Variants in TECPR2 observed in about 807,000 individuals in gnomAD.
The protein encoded by TECPR2 is tectonin beta-propeller repeat-containing protein 2.
In TECPR2, 65 loss-of-function variants were observed where a neutral mutation model predicts 138.1. The ratio of observed to expected loss-of-function variants is 0.47; its 90% confidence interval spans 0.39 to 0.58. The LOEUF (loss-of-function observed/expected upper bound fraction) is 0.58, where lower values mean the gene tolerates loss of function less well. Ranked by LOEUF, TECPR2 falls within the 20% of genes least tolerant of loss-of-function variation. The pLI is 0.00. For synonymous variants in TECPR2, 746 were observed against 749.8 expected (o/e 0.99, Z 0.08); for missense variants, 1,553 against 1,824.5 (o/e 0.85, Z 2.71).
chr14:102,381,389 A>G (rs905513925), intron 2 of TECPR2, among the ~76,000 whole-genome samples: 4 of 152,210 alleles, frequency 2.6e-5, no homozygotes, highest in African/African-American at 9.6e-5. Context: ...TCTGGCCAAC[A>G]TGGCGAGAGC....
At chr14:102,392,045 A>G (rs1888190318) in intron 2 of TECPR2, among the ~76,000 whole-genome samples, 1 of 151,942 alleles carries the variant, frequency 6.6e-6, no homozygotes, top group Non-Finnish European at 1.5e-5. Flanking sequence ...CTGGAGTGCA[A>G]TGGTGTGATC....
chr14:102,468,138 G>A (rs1178628691), intron 17 of TECPR2, among the ~76,000 whole-genome samples: 2 of 151,756 alleles, frequency 1.3e-5, no homozygotes, highest in African/African-American at 4.8e-5. Context: ...GTGCCACCAC[G>A]CCCAGCCTCA....
chr14:102,444,753 C>G (rs1595129893), intron 12 of TECPR2, among the ~76,000 whole-genome samples: 1 of 152,190 alleles, frequency 6.6e-6, no homozygotes, highest in East Asian at 1.9e-4. Context: ...GCAGGCGGAT[C>G]ACGAGGTCAA....
At chr14:102,427,762 G>A (rs975962142) in intron 6 of TECPR2, among the ~76,000 whole-genome samples, 1 of 152,228 alleles carries the variant, frequency 6.6e-6, no homozygotes, top group Non-Finnish European at 1.5e-5. Context: ...CAGGAGTGGG[G>A]CGTCAAGCGG....
intron 2 of TECPR2, among the ~76,000 whole-genome samples, chr14:102,397,630 TC>T (rs543837950): frequency 2.0e-3 from 309 of 151,954 alleles, no homozygotes; most frequent in African/African-American, 6.9e-3. Context: ...ACTGGTAATC[TC>T]AGCTACTTGG....
intron 17 of TECPR2, among the ~76,000 whole-genome samples, chr14:102,466,591 G>T (rs1890554332): frequency 6.6e-6 from 1 of 152,148 alleles, no homozygotes; most frequent in South Asian, 2.1e-4. Context: ...CACCCAGGTG[G>T]ACTCCTTTGA....
rs941218800 is a variant in TECPR2 at position 102,443,347 on chromosome 14, T to C, written c.2753-300T>C. Among the ~76,000 whole-genome samples the C allele has an allele frequency of 1.3e-5, 2 of 152,212 alleles. No individual in the cohort carries two copies. The highest frequency in any genetic ancestry group is 4.8e-5 in the African/African-American group (2 of 41,450). On this transcript the variant is annotated intron_variant, in intron 11 of 19. Coordinates refer to ENST00000359520, the MANE Select transcript of TECPR2 (RefSeq NM_014844.5). This position sits in a 1 kb window ranked among gnomAD's most constrained non-coding sequence, Gnocchi z 4.9. ...GCAGAATTTAACCACTTTATGTTGA[T>C]TAAACTTGACAACAAAAAAGCGGCC...
At chr14:102,461,351 G>A (rs1010511006) in intron 16 of TECPR2, among the ~76,000 whole-genome samples, 3 of 152,236 alleles carry the variant, frequency 2.0e-5, no homozygotes, top group Non-Finnish European at 4.4e-5. Context: ...AGTTTATGCC[G>A]TTAGGTAACA....
Position 102,443,663 on chromosome 14 carries a change from C to A in TECPR2, c.2769C>A (p.Arg923=), listed in dbSNP as rs1256128023. 6.3e-7 allele frequency: 1 copy of A among 1,598,554 alleles called. No homozygotes were observed. The highest frequency in any genetic ancestry group is 8.6e-7 in the Non-Finnish European group (1 of 1,168,922). ...LYLQTGLSVD[R]PCARAVKVDC... ...TCCTGGCAGGTCTGAGCGTGGATCG[C>A]CCTTGTGCCAGAGCCGTAAAGGTGG... Residue 923 remains arginine (R), a synonymous_variant, in exon 12 of 20, where the codon CGC becomes CGA. Transcript: ENST00000359520. This position sits in a 1 kb window ranked among gnomAD's most constrained non-coding sequence, Gnocchi z 4.9.
chr14:102,432,108 A>C lies in TECPR2; in HGVS notation c.1397A>C (p.Lys466Thr). 1 of 1,549,048 alleles carries C rather than the reference A, an allele frequency of 6.5e-7. No individual in the cohort carries two copies. Among genetic ancestry groups the C allele is most frequent in the Non-Finnish European group, 8.8e-7 (1 of 1,142,648 alleles). The change falls in exon 8 of 20, where the codon AAG (lysine) becomes ACG (threonine). Residue 466 changes from lysine to threonine, a missense_variant. Physicochemically the swap from Lys to Thr is moderately conservative, Grantham distance 78 (BLOSUM62 -1). Transcript: ENST00000359520. ...LVVKPIKVKR[K>T]KKKKKTEGGS... Reference sequence around the variant, plus strand: ...GTGAAGCCTATCAAAGTGAAAAGGAAGAAGAAGAAGAAGAAGACAGGTACC... The same window carrying C: ...GTGAAGCCTATCAAAGTGAAAAGGACGAAGAAGAAGAAGAAGACAGGTACC...
In TECPR2 at chr14:102,425,081, C is replaced by T. The variant is rs551933071; in HGVS notation, c.741C>T (p.Val247=). Residue 247 remains valine, a synonymous_variant, in exon 6 of 20, where the codon GTC becomes GTT. Transcript: ENST00000359520. ...RPGLRLWKAD[V]HGTVQATFIL... ...GGCTCCGGCTATGGAAGGCTGATGT[C>T]CACGGGACTGTTCAAGCCACGTTTA... The T allele has an allele frequency of 6.4e-5, 103 of 1,614,136 alleles. No individual in the cohort carries two copies. The South Asian group carries it at 1.1e-3, about 17-fold the overall frequency.
At chr14:102,411,466 T>G (rs1033545953) in intron 4 of TECPR2, among the ~76,000 whole-genome samples, 2 of 152,182 alleles carry the variant, frequency 1.3e-5, no homozygotes, top group Non-Finnish European at 2.9e-5. Flanking sequence ...TTGCTTTAAG[T>G]GATGACATTA....
At chr14:102,368,964 C>G (rs1213131882) in intron 1 of TECPR2, among the ~76,000 whole-genome samples, 3 of 152,118 alleles carry the variant, frequency 2.0e-5, no homozygotes, top group African/African-American at 7.2e-5. Context: ...ACTTTTGATT[C>G]AAAATGTGAT....
intron 10 of TECPR2, 46 bp from the exon 11 acceptor site, chr14:102,440,390 T>C: frequency 1.3e-6 from 2 of 1,597,684 alleles, no homozygotes; most frequent in South Asian, 1.1e-5. Flanking sequence ...TATAGAAATA[T>C]ATTCTAGTAT....
intron 1 of TECPR2, among the ~76,000 whole-genome samples, chr14:102,375,906 G>C (rs764847911): frequency 3.3e-5 from 5 of 152,204 alleles, no homozygotes; most frequent in Non-Finnish European, 7.3e-5. Flanking sequence ...GCCTTATAAG[G>C]TAGGGTCAGG....
At chr14:102,478,531 G>C (rs1394827775) in intron 17 of TECPR2, among the ~76,000 whole-genome samples, 1 of 151,116 alleles carries the variant, frequency 6.6e-6, no homozygotes, top group African/African-American at 2.4e-5. Context: ...AAATACAAAA[G>C]TTAGCCAGGT....
At chr14:102,446,057 A>T in intron 13 of TECPR2, 110 bp downstream of exon 13, 1 of 1,253,438 alleles carries the variant, frequency 8.0e-7, no homozygotes, top group South Asian at 1.7e-5. Context: ...TAAAATACTC[A>T]CTTTTTTATT....
chr14:102,450,643 A>G lies in TECPR2; in HGVS notation c.3400A>G (p.Lys1134Glu). The change falls in exon 15 of 20, where the codon AAG (lysine) becomes GAG (glutamate). Residue 1134 changes from lysine to glutamate, a missense_variant. Transcript: ENST00000359520. Reference sequence around the variant, plus strand: ...TGTGTTGGCTTCTGCAGCTCCCACGAAGGAAGGTGGGTCAGTCTTAGCCTC... The same window carrying G: ...TGTGTTGGCTTCTGCAGCTCCCACGGAGGAAGGTGGGTCAGTCTTAGCCTC... ...AFVLASAAPT[K>E]EGSFLWLCQS... The G allele has an allele frequency of 6.2e-7, 1 of 1,614,114 alleles. No homozygotes were observed. Among genetic ancestry groups the G allele is most frequent in the Middle Eastern group, 1.7e-4 (1 of 6,060 alleles).
intron 8 of TECPR2, among the ~76,000 whole-genome samples, chr14:102,432,406 A>G (rs1263498162): frequency 6.6e-6 from 1 of 151,986 alleles, no homozygotes; most frequent in Non-Finnish European, 1.5e-5. Flanking sequence ...TTCAATATTT[A>G]TTTATGTATT....
Sources: gnomAD v4.1 joint callset for allele counts (sites outside exome capture counted in the v4.1 genomes callset) on GRCh38, gnomAD v4.1.1 for gene constraint, Gnocchi (gnomAD v3.1) non-coding constraint, MANE v1.5 for transcripts, NCBI Gene and HGNC (gene_info 2026-07-23, HGNC 2026-07-21) for gene names.